Variants in ZFHX3 observed in about 807,000 individuals in gnomAD.
ZFHX3 encodes zinc finger homeobox protein 3.
ZFHX3 carries 42 observed loss-of-function variants against 279.1 expected under a neutral mutation model. The observed-to-expected ratio is 0.15, with a 90% confidence interval of 0.12 to 0.19. ZFHX3 has a LOEUF of 0.19. ZFHX3 is among the 10% of genes least tolerant of loss of function. The pLI, the probability that ZFHX3 is intolerant of heterozygous loss-of-function variation, is 1.00. For missense variants in ZFHX3, 4,981 were observed against 4,754.0 expected (o/e 1.05, Z -1.40); for synonymous variants, 2,293 against 1,957.8 (o/e 1.17, Z -4.52).
At chr16:73,097,570 A>T (rs1291504594) in intron 7 of ZFHX3, among the ~76,000 whole-genome samples, 2 of 152,216 alleles carry the variant, frequency 1.3e-5, no homozygotes, top group Non-Finnish European at 2.9e-5. Context: ...TATAGACAAC[A>T]TAAAATTTGC....
chr16:72,836,528 A>C (rs1041035926), intron 4 of ZFHX3, among the ~76,000 whole-genome samples: 4 of 152,096 alleles, frequency 2.6e-5, no homozygotes, highest in African/African-American at 9.7e-5. Flanking sequence ...CACAAATACA[A>C]ATTGTTCTCA....
At chr16:72,871,051 C>T (rs35850418) in intron 4 of ZFHX3, among the ~76,000 whole-genome samples, 13,065 of 152,002 alleles carry the variant, frequency 0.086, 802 homozygotes, top group Non-Finnish European at 0.13. Context: ...ATTATGAATG[C>T]GAGAGAGAAG....
chr16:72,882,459 A>C (rs1280890323), intron 4 of ZFHX3, among the ~76,000 whole-genome samples: 2 of 152,222 alleles, frequency 1.3e-5, no homozygotes, highest in Non-Finnish European at 1.5e-5. Context: ...AGAACATCAA[A>C]GAATGAGTGA....
Position 73,181,186 on chromosome 16 carries a change from C to T in ZFHX3, c.-1103-37355G>A, listed in dbSNP as rs748873089. Among the ~76,000 whole-genome samples the T allele has an allele frequency of 2.3e-4, 35 of 151,926 alleles. 1 individual carries two copies. The highest frequency in any genetic ancestry group is 2.3e-3 in the South Asian group (11 of 4,810). On this transcript the variant is annotated intron_variant, in intron 5 of 17. Transcript: ENST00000641206. The stretch of plus-strand genomic sequence containing the variant: ...TATAATCTCGGCTCACTGCAACCAC[C>T]GACTCCCTGCTTCAAGCGATTCTCC...
At chr16:73,608,813 G>A (rs955654867) in intron 2 of ZFHX3, 3 of 151,954 alleles carry the variant, frequency 2.0e-5, no homozygotes, top group Admixed American at 6.6e-5. Context: ...AGTATTCAAA[G>A]GTATTTTTAA....
chr16:72,855,976 CCAAG>C (rs1314806625), intron 4 of ZFHX3, among the ~76,000 whole-genome samples: 1 of 152,214 alleles, frequency 6.6e-6, no homozygotes, highest in African/African-American at 2.4e-5. Flanking sequence ...TATGAGAACA[CCAAG>C]CACAGAGGTT....
intron 5 of ZFHX3, among the ~76,000 whole-genome samples, chr16:72,823,738 A>C (rs2036860754): frequency 6.6e-6 from 1 of 152,170 alleles, no homozygotes; most frequent in Non-Finnish European, 1.5e-5. Flanking sequence ...TAATTTATGA[A>C]GCTCCAGAAT....
chr16:73,240,051 G>GTA (rs1008007101), intron 5 of ZFHX3, among the ~76,000 whole-genome samples: 52 of 148,158 alleles, frequency 3.5e-4, no homozygotes, highest in African/African-American at 9.2e-4. Context: ...GTGTGTGTGT[G>GTA]TATATCTATA....
At chr16:73,503,012 A>T (rs1193260768) in intron 2 of ZFHX3, among the ~76,000 whole-genome samples, 1 of 152,214 alleles carries the variant, frequency 6.6e-6, no homozygotes, top group African/African-American at 2.4e-5. Context: ...TCGTGATGGG[A>T]TGATCAGTCC....
chr16:73,647,113 C>G lies in ZFHX3; in HGVS notation c.-1547+33067G>C, dbSNP rs1021814025. Among the ~76,000 whole-genome samples, 5 of 150,636 alleles carry G rather than the reference C, an allele frequency of 3.3e-5. No individual in the cohort carries two copies. The Admixed American group carries it at 3.3e-4, about 10-fold the overall frequency. ...CTGCACGGTCCGACTCCCAGGTTTA[C>G]GCCATTCTCCTGCCTCAGCCTCTGG... On this transcript the variant is annotated intron_variant, in intron 2 of 17. Coordinates refer to the ZFHX3 transcript ENST00000641206.
chr16:73,579,647 A>G (rs1597009517), intron 2 of ZFHX3, among the ~76,000 whole-genome samples: 1 of 148,536 alleles, frequency 6.7e-6, no homozygotes, highest in South Asian at 2.1e-4. Context: ...GACTACAGGC[A>G]CCCGCCACCA....
At chr16:73,776,128 A>T (rs575040614) in intron 1 of ZFHX3, among the ~76,000 whole-genome samples, 1 of 152,172 alleles carries the variant, frequency 6.6e-6, no homozygotes, top group Non-Finnish European at 1.5e-5. Flanking sequence ...CACAGCAGGG[A>T]TGCCAAAATC....
intron 1 of ZFHX3, among the ~76,000 whole-genome samples, chr16:73,044,150 G>GTT (rs11451569): frequency 3.3e-5 from 5 of 151,978 alleles, no homozygotes; most frequent in South Asian, 4.2e-4. Context: ...CCTGACCATA[G>GTT]TTTTTTAACT....
In ZFHX3 at chr16:73,105,341, G is replaced by GTGTA. The variant is rs572337087; in HGVS notation, c.-896-11744_-896-11743insTACA. Among the ~76,000 whole-genome samples the GTGTA allele has an allele frequency of 3.4e-4, 37 of 109,654 alleles. 2 individuals are homozygous for GTGTA. The South Asian group carries it at 0.01, about 30-fold the overall frequency. 71.9% of individuals were successfully genotyped at this position (109,654 alleles called of 152,430 possible). A position where few individuals can be genotyped will look rare whatever the true frequency, so the allele number is the denominator to read the frequency against. On this transcript the variant is annotated intron_variant, in intron 7 of 17. Coordinates refer to the ZFHX3 transcript ENST00000641206. ...CACACATACACACACACACACGTGT[G>GTGTA]TATATATATATACACATATATATAC...
intron 7 of ZFHX3, among the ~76,000 whole-genome samples, chr16:73,097,213 CACACCCAGCTAATTTTAATTTTTT>C (rs1439035418): frequency 3.3e-5 from 5 of 150,604 alleles, no homozygotes; most frequent in Admixed American, 2.7e-4. Context: ...GCCTCCTCAC[CACACCCAGCTAATTTTAATTTTTT>C]TTTTTTTTTT....
intron 4 of ZFHX3, among the ~76,000 whole-genome samples, chr16:73,293,032 T>C (rs1215101778): frequency 2.0e-5 from 3 of 152,094 alleles, no homozygotes; most frequent in Admixed American, 1.3e-4. Context: ...CTAACTGCCT[T>C]GAAACAAAAG....
chr16:72,842,868 G>A (rs1470948434), intron 4 of ZFHX3, among the ~76,000 whole-genome samples: 3 of 152,198 alleles, frequency 2.0e-5, no homozygotes, highest in African/African-American at 7.2e-5. Flanking sequence ...CAGCCTTGAA[G>A]ACAGGTAACT....
chr16:72,816,776 G>A (rs981779229), intron 5 of ZFHX3, among the ~76,000 whole-genome samples: 1 of 152,120 alleles, frequency 6.6e-6, no homozygotes, highest in African/African-American at 2.4e-5. Context: ...TATCCTCTTA[G>A]GCTCCTCTGC....
At chr16:73,616,556 G>C (rs910467419) in intron 2 of ZFHX3, among the ~76,000 whole-genome samples, 3 of 150,980 alleles carry the variant, frequency 2.0e-5, no homozygotes, top group African/African-American at 7.3e-5. Flanking sequence ...TGGACCTATT[G>C]TTCCTGTGTT....
Sources: allele counts gnomAD v4.1 joint callset (sites outside exome capture counted in the v4.1 genomes callset), GRCh38; gene constraint gnomAD v4.1.1; transcripts MANE v1.5; gene names NCBI Gene and HGNC (gene_info 2026-07-23, HGNC 2026-07-21).